Variants in IQSEC1 observed in about 807,000 individuals in gnomAD.
IQSEC1 encodes the protein IQ motif and SEC7 domain-containing protein 1.
A neutral mutation model predicts 91.0 loss-of-function variants in IQSEC1; 31 were observed. The observed-to-expected ratio is 0.34, with a 90% confidence interval of 0.26 to 0.46. IQSEC1 has a LOEUF of 0.46. Among genes scored for constraint, IQSEC1 ranks in the 20% least tolerant of loss-of-function variants. The pLI is 1.00. For missense variants in IQSEC1, 1,388 were observed against 1,575.6 expected (o/e 0.88, Z 2.02); for synonymous variants, 699 against 662.6 (o/e 1.05, Z -0.84).
In IQSEC1 at chr3:12,949,770, C is replaced by T. The variant is rs548417662; in HGVS notation, c.24-7905G>A. ...ACACAGCCAGGCAGGGTCTGGGGGG[C>T]GGGTGGGGGCACATCCTCTGAGCAA... is the stretch of plus-strand genomic sequence containing the variant. On this transcript the variant is annotated intron_variant, in intron 1 of 13. Transcript: ENST00000613206. Among the ~76,000 whole-genome samples, 17 of 147,898 alleles carry T rather than the reference C, an allele frequency of 1.1e-4. No homozygotes were observed. The East Asian group carries it at 1.3e-3, about 11-fold the overall frequency.
intron 1 of IQSEC1, among the ~76,000 whole-genome samples, chr3:13,257,420 C>A (rs1646137284): frequency 6.6e-6 from 1 of 152,216 alleles, no homozygotes; most frequent in African/African-American, 2.4e-5. Context: ...ATTTGGTGAC[C>A]TCGCTAGGCT....
intron 1 of IQSEC1, chr3:12,960,406 G>A (rs1348708336): frequency 6.6e-6 from 1 of 152,180 alleles, no homozygotes; most frequent in Non-Finnish European, 1.5e-5. Flanking sequence ...GCTGTACAGG[G>A]AACCCAATGC....
At chr3:13,239,919 T>C (rs896925322) in intron 1 of IQSEC1, among the ~76,000 whole-genome samples, 1 of 151,896 alleles carries the variant, frequency 6.6e-6, no homozygotes, top group African/African-American at 2.4e-5. Flanking sequence ...AGGGTTCAGT[T>C]TGGGAGGAGG....
intron 1 of IQSEC1, chr3:13,015,519 C>T (rs1184815081): frequency 1.7e-5 from 17 of 979,234 alleles, no homozygotes; most frequent in Non-Finnish European, 1.9e-5. Flanking sequence ...TCGCCAGCCC[C>T]TCACAGGTTT....
intron 1 of IQSEC1, among the ~76,000 whole-genome samples, chr3:13,031,351 C>T (rs1703834663): frequency 1.3e-5 from 2 of 152,226 alleles, no homozygotes; most frequent in Non-Finnish European, 2.9e-5. Context: ...CCTGCCCCTG[C>T]CTACAGCAGG....
chr3:13,163,277 A>T (rs1390169800), intron 2 of IQSEC1, among the ~76,000 whole-genome samples: 1 of 152,030 alleles, frequency 6.6e-6, no homozygotes, highest in African/African-American at 2.4e-5. Context: ...AGCTCAGGAC[A>T]TCTCATCTCC....
chr3:12,945,698 A>G (rs1471254742), intron 1 of IQSEC1, among the ~76,000 whole-genome samples: 2 of 152,248 alleles, frequency 1.3e-5, no homozygotes, highest in Admixed American at 1.3e-4. Flanking sequence ...TTTGAGCCAG[A>G]GGACATCACC....
chr3:12,941,372 C>A (rs921837040), intron 2 of IQSEC1, among the ~76,000 whole-genome samples, 199 bp downstream of exon 2: 3 of 152,250 alleles, frequency 2.0e-5, no homozygotes, highest in Non-Finnish European at 2.9e-5. Flanking sequence ...ACACGCCAGC[C>A]AGAGCCAGCT....
intron 2 of IQSEC1, among the ~76,000 whole-genome samples, chr3:13,095,749 C>G (rs1705944328): frequency 6.6e-6 from 1 of 152,138 alleles, no homozygotes; most frequent in Non-Finnish European, 1.5e-5. Context: ...GCAGAGGGCT[C>G]CAGATGCAGC....
intron 2 of IQSEC1, among the ~76,000 whole-genome samples, chr3:13,094,873 G>A (rs537714235): frequency 4.6e-5 from 7 of 152,290 alleles, no homozygotes; most frequent in African/African-American, 1.7e-4. Context: ...TACCTCCCCA[G>A]GCAAGGGATA....
intron 1 of IQSEC1, among the ~76,000 whole-genome samples, chr3:13,260,281 G>C (rs1391856396): frequency 6.6e-6 from 1 of 152,200 alleles, no homozygotes; most frequent in Non-Finnish European, 1.5e-5. Flanking sequence ...GCTGCTGCTT[G>C]GAAGCCAACC....
intron 2 of IQSEC1, among the ~76,000 whole-genome samples, chr3:12,941,255 G>C (rs1020360678): frequency 1.3e-5 from 2 of 152,220 alleles, no homozygotes; most frequent in Non-Finnish European, 2.9e-5. Flanking sequence ...TGGCCCCCCA[G>C]ATCTGGGCCA....
intron 1 of IQSEC1, among the ~76,000 whole-genome samples, chr3:13,205,702 C>A (rs1409626534): frequency 6.6e-6 from 1 of 151,698 alleles, no homozygotes; most frequent in Non-Finnish European, 1.5e-5. Context: ...ACTCCTCCAC[C>A]CATCCAGCCA....
chr3:13,076,395 T>C (rs1705562193), upstream of IQSEC1, among the ~76,000 whole-genome samples: 2 of 152,026 alleles, frequency 1.3e-5, no homozygotes. Context: ...CACATCCATC[T>C]CCCTTCCCTC....
At chr3:13,185,331 C>T (rs1262911309) in intron 1 of IQSEC1, among the ~76,000 whole-genome samples, 1 of 152,172 alleles carries the variant, frequency 6.6e-6, no homozygotes, top group Non-Finnish European at 1.5e-5. Context: ...GTCTTTGCAA[C>T]CTCCCCTGCC....
At chr3:12,920,728 G>T in intron 5 of IQSEC1, 132 bp from the exon 6 acceptor site, 1 of 953,278 alleles carries the variant, frequency 1.0e-6, no homozygotes. Flanking sequence ...ACACCTGCCT[G>T]TCGGAGTTGG....
intron 1 of IQSEC1, among the ~76,000 whole-genome samples, chr3:13,273,170 T>C (rs557646088): frequency 6.6e-6 from 1 of 152,252 alleles, no homozygotes; most frequent in South Asian, 2.1e-4. Flanking sequence ...GTGGTGCATG[T>C]GGAGGGAGCT....
intron 1 of IQSEC1, among the ~76,000 whole-genome samples, chr3:12,956,677 CT>C (rs1382727389): frequency 6.6e-6 from 1 of 152,246 alleles, no homozygotes; most frequent in Non-Finnish European, 1.5e-5. Context: ...CGGCAGCCCC[CT>C]CTGTCCACCT....
At chr3:13,114,137 G>T (rs547843270) in intron 2 of IQSEC1, among the ~76,000 whole-genome samples, 33 of 152,384 alleles carry the variant, frequency 2.2e-4, no homozygotes, top group African/African-American at 7.2e-4. Context: ...GCCAGGCTGG[G>T]CCAGAAGTGA....
Sources: gnomAD v4.1 joint callset for allele counts (sites outside exome capture counted in the v4.1 genomes callset) on GRCh38, gnomAD v4.1.1 for gene constraint, MANE v1.5 for transcripts, NCBI Gene and HGNC (gene_info 2026-07-23, HGNC 2026-07-21) for gene names.